SNX25: variants seen among roughly 807,000 people sequenced by gnomAD.
SNX25 encodes the protein sorting nexin-25.
SNX25 carries 62 observed loss-of-function variants against 113.7 expected under a neutral mutation model. That is an observed-to-expected ratio of 0.55 (90% CI 0.44 to 0.67). The LOEUF (loss-of-function observed/expected upper bound fraction) is 0.67, where lower values mean the gene tolerates loss of function less well. Among genes scored for constraint, SNX25 ranks in the 30% least tolerant of loss-of-function variants. SNX25 has a pLI of 0.00. For missense variants in SNX25, 1,014 were observed against 1,161.0 expected, an observed-to-expected ratio of 0.87 and a Z score of 1.84; for synonymous variants, 421 against 436.2, an observed-to-expected ratio of 0.97 and a Z score of 0.43.
intron 1 of SNX25, among the ~76,000 whole-genome samples, chr4:185,227,254 G>A (rs1052543452): frequency 3.9e-5 from 6 of 152,236 alleles, no homozygotes; most frequent in Admixed American, 3.9e-4. Flanking sequence ...CATTGGCCTA[G>A]GCCAGTCATT....
intron 1 of SNX25, among the ~76,000 whole-genome samples, chr4:185,216,511 TG>T (rs1207540675): frequency 1.4e-3 from 189 of 135,942 alleles, no homozygotes; most frequent in East Asian, 5.8e-3. Context: ...AGTGTGTATT[TG>T]GTTTTTTTTT....
At chr4:185,289,427 G>A (rs1168650495) in intron 6 of SNX25, among the ~76,000 whole-genome samples, 2 of 152,150 alleles carry the variant, frequency 1.3e-5, no homozygotes, top group East Asian at 3.9e-4. Flanking sequence ...TGGGCTTTGA[G>A]CAGTCATCTG....
At chr4:185,240,261 C>T (rs1287766021) in intron 1 of SNX25, among the ~76,000 whole-genome samples, 56 of 150,210 alleles carry the variant, frequency 3.7e-4, no homozygotes, top group African/African-American at 8.6e-4. Flanking sequence ...CATCATGGCC[C>T]GTTCTCAATG....
chr4:185,267,729 T>TAA (rs963267655), intron 5 of SNX25, among the ~76,000 whole-genome samples: 4 of 136,276 alleles, frequency 2.9e-5, no homozygotes, highest in Non-Finnish European at 4.8e-5. Flanking sequence ...AGACTCCTTC[T>TAA]AAAAAAAAAA....
At chr4:185,240,372 C>T (rs374492547) in intron 1 of SNX25, among the ~76,000 whole-genome samples, 6,287 of 148,196 alleles carry the variant, frequency 0.042, 175 homozygotes, top group South Asian at 0.11. Flanking sequence ...ACCTCCCGGA[C>T]GGGGCGGCTG....
In SNX25 at chr4:185,310,709, G is replaced by C. The variant is rs1419509890; in HGVS notation, c.1237G>C (p.Val413Leu). The C allele has an allele frequency of 6.2e-7, 1 of 1,614,102 alleles. No individual in the cohort carries two copies. Among genetic ancestry groups the C allele is most frequent in the Non-Finnish European group, 8.5e-7 (1 of 1,179,988 alleles). ...GAAGAGGTACATCAACCAACTGACT[G>C]TGGCAAAGAAGCAGTGTGAGAAGAG... ...NMKRYINQLT[V>L]AKKQCEKRIR... Residue 413 changes from valine to leucine, a missense_variant, in exon 7 of 19, where the codon GTG becomes CTG. Val to Leu is a conservative substitution (Grantham distance 32). Coordinates refer to ENST00000652585, the MANE Select transcript of SNX25 (RefSeq NM_001378034.2).
intron 8 of SNX25, among the ~76,000 whole-genome samples, chr4:185,321,634 A>T (rs1271911825): frequency 3.3e-5 from 5 of 152,186 alleles, no homozygotes; most frequent in Non-Finnish European, 5.9e-5. Flanking sequence ...TACAGTGAAG[A>T]TCCCAATAAT....
intron 1 of SNX25, among the ~76,000 whole-genome samples, chr4:185,212,883 A>T (rs1738175197): frequency 6.6e-6 from 1 of 152,162 alleles, no homozygotes; most frequent in South Asian, 2.1e-4. Flanking sequence ...ATCCTTATAT[A>T]TTTTGAGTTC....
chr4:185,337,949 A>T (rs144318929), intron 10 of SNX25, among the ~76,000 whole-genome samples: 2 of 152,116 alleles, frequency 1.3e-5, no homozygotes, highest in East Asian at 3.9e-4. Flanking sequence ...TCATGTCCTT[A>T]TTGGCCATTT....
intron 7 of SNX25, among the ~76,000 whole-genome samples, chr4:185,316,530 C>T (rs922208895): frequency 4.6e-5 from 7 of 152,112 alleles, no homozygotes. Flanking sequence ...GCACCCCCCA[C>T]ACCAGTGGCC....
intron 9 of SNX25, among the ~76,000 whole-genome samples, chr4:185,330,627 T>C (rs1215827721): frequency 6.6e-6 from 1 of 152,190 alleles, no homozygotes; most frequent in Non-Finnish European, 1.5e-5. Context: ...ACAAATTGTT[T>C]TATAGTCATC....
chr4:185,211,220 TCAC>T (rs527292553), intron 1 of SNX25, among the ~76,000 whole-genome samples: 68 of 152,298 alleles, frequency 4.5e-4, no homozygotes, highest in African/African-American at 1.5e-3. Flanking sequence ...GCACCACACT[TCAC>T]CAAACTACTC....
intron 1 of SNX25, among the ~76,000 whole-genome samples, chr4:185,217,390 A>G (rs1169432322): frequency 6.6e-6 from 1 of 152,244 alleles, no homozygotes; most frequent in Admixed American, 6.5e-5. Context: ...ATTATTTATC[A>G]TTACAATAGG....
intron 1 of SNX25, among the ~76,000 whole-genome samples, chr4:185,225,977 T>C (rs1217550910): frequency 2.0e-5 from 3 of 152,238 alleles, no homozygotes; most frequent in Non-Finnish European, 2.9e-5. Context: ...AGCTTTGGGA[T>C]GATTCTAGGA....
intron 13 of SNX25, among the ~76,000 whole-genome samples, chr4:185,350,489 A>G (rs1195138909): frequency 2.0e-5 from 3 of 152,182 alleles, no homozygotes; most frequent in African/African-American, 4.8e-5. Flanking sequence ...AGCTCGATTT[A>G]TGTTCTTCTT....
At chr4:185,321,785 A>G (rs950806781) in intron 8 of SNX25, among the ~76,000 whole-genome samples, 2 of 152,278 alleles carry the variant, frequency 1.3e-5, no homozygotes, top group South Asian at 2.1e-4. Context: ...TTGGGGGGAA[A>G]AAAACTGCAT....
chr4:185,264,776 A>G (rs1331307558), intron 4 of SNX25, among the ~76,000 whole-genome samples, 166 bp downstream of exon 4: 1 of 152,222 alleles, frequency 6.6e-6, no homozygotes, highest in Non-Finnish European at 1.5e-5. Flanking sequence ...AATTTTTAAT[A>G]TGACATATCG....
At chr4:185,326,264 G>T (rs2095156579) in intron 9 of SNX25, among the ~76,000 whole-genome samples, 1 of 152,140 alleles carries the variant, frequency 6.6e-6, no homozygotes, top group Non-Finnish European at 1.5e-5. Flanking sequence ...TTCAGTTCGT[G>T]CAGTTAATTC....
downstream of SNX25, chr4:185,367,070 C>T (rs2095390413): frequency 1.0e-6 from 1 of 961,170 alleles, no homozygotes; most frequent in South Asian, 1.5e-5. Context: ...CTGTAAAATA[C>T]CCAGGATAGT....
Sources: gnomAD v4.1 joint callset for allele counts (sites outside exome capture counted in the v4.1 genomes callset) on GRCh38, gnomAD v4.1.1 for gene constraint, MANE v1.5 for transcripts, NCBI Gene and HGNC (gene_info 2026-07-23, HGNC 2026-07-21) for gene names.